The following ELAPOR1 variants were observed in gnomAD, a reference collection of about 807,000 sequenced individuals.
The protein encoded by ELAPOR1 is endosome/lysosome-associated apoptosis and autophagy regulator 1.
A neutral mutation model predicts 119.7 loss-of-function variants in ELAPOR1; 77 were observed. That is an observed-to-expected ratio of 0.64 (90% CI 0.54 to 0.78). ELAPOR1 has a LOEUF of 0.78. Among genes scored for constraint, ELAPOR1 ranks in the 30% least tolerant of loss-of-function variants. The probability of loss-of-function intolerance (pLI) is 0.00; values close to 1 mark genes in which losing one functional copy is unlikely to be tolerated. For synonymous variants in ELAPOR1, 481 were observed against 487.2 expected, an observed-to-expected ratio of 0.99 and a Z score of 0.17; for missense variants, 1,115 against 1,270.4, an observed-to-expected ratio of 0.88 and a Z score of 1.86.
Position 109,200,237 on chromosome 1 carries a change from A to G in ELAPOR1, c.2807A>G (p.Lys936Arg). ...TGCTACTTTTGGAAAAAGAATCAAA[A>G]GTACATGTTGCGGTATTGGAGTGTG... ...LTCYFWKKNQKLEYKYSKLVM... is the reference protein window; with the variant it reads ...LTCYFWKKNQRLEYKYSKLVM... The change falls in exon 20 of 22, where the codon AAA becomes AGA. Residue 936 changes from lysine (K) to arginine (R), a missense_variant and splice_region_variant. Coordinates refer to ENST00000369939, the MANE Select transcript of ELAPOR1 (RefSeq NM_020775.5). The G allele has an allele frequency of 6.2e-7, 1 of 1,613,880 alleles. No homozygotes were observed. Among genetic ancestry groups the G allele is most frequent in the Non-Finnish European group, 8.5e-7 (1 of 1,179,830 alleles).
chr1:109,197,721 AAG>A (rs1208744572), intron 16 of ELAPOR1, 67 bp downstream of exon 16: 2 of 1,480,948 alleles, frequency 1.4e-6, no homozygotes, highest in South Asian at 1.3e-5. Flanking sequence ...GTGTATGTGT[AAG>A]AGAGTGTGAG....
chr1:109,129,550 C>CA (rs1338554552), intron 1 of ELAPOR1, among the ~76,000 whole-genome samples: 1 of 152,056 alleles, frequency 6.6e-6, no homozygotes. Context: ...AAAACACACG[C>CA]AAAAAACCCA....
rs760569940 is a variant in ELAPOR1 at position 109,200,115 on chromosome 1, T to G, written c.2685T>G (p.Pro895=). 1 of 1,614,216 alleles carries G rather than the reference T, an allele frequency of 6.2e-7. No individual in the cohort carries two copies. Among genetic ancestry groups the G allele is most frequent in the Admixed American group, 1.7e-5 (1 of 60,018 alleles). ...TATGCTCTGGTGGCATTTCTCTGCC[T>G]GAGCAGAGAGTCACCATCTGCAAAA... ...PKLCSGGISL[P]EQRVTICKTI... is the part of the protein sequence containing the mutation. The change falls in exon 20 of 22, where the codon CCT becomes CCG. Residue 895 remains proline, a synonymous_variant. Coordinates refer to ENST00000369939, the MANE Select transcript of ELAPOR1 (RefSeq NM_020775.5).
At chr1:109,167,634 G>A (rs1651676707) in intron 3 of ELAPOR1, among the ~76,000 whole-genome samples, 1 of 151,936 alleles carries the variant, frequency 6.6e-6, no homozygotes, top group Admixed American at 6.6e-5. Context: ...TAAGAAACAA[G>A]GTCTCACTCT....
chr1:109,143,563 T>A (rs760172658), intron 1 of ELAPOR1, among the ~76,000 whole-genome samples: 3 of 152,232 alleles, frequency 2.0e-5, no homozygotes, highest in Non-Finnish European at 2.9e-5. Context: ...ATCTTGTGAA[T>A]ATATTAAAAC....
At chr1:109,141,731 T>C (rs1012422036) in intron 1 of ELAPOR1, among the ~76,000 whole-genome samples, 3 of 151,548 alleles carry the variant, frequency 2.0e-5, no homozygotes, top group Non-Finnish European at 4.4e-5. Context: ...AATGACGCAA[T>C]CATGGCTCAC....
In ELAPOR1 at chr1:109,121,221, A is replaced by G. The variant is rs373698935; in HGVS notation, c.153+6885A>G. Among the ~76,000 whole-genome samples the G allele has an allele frequency of 1.4e-4, 22 of 151,954 alleles. No individual in the cohort carries two copies. The East Asian group carries it at 3.7e-3, about 25-fold the overall frequency. On this transcript the variant is annotated intron_variant, in intron 1 of 21. Coordinates refer to ENST00000369939, the MANE Select transcript of ELAPOR1 (RefSeq NM_020775.5). ...GAGTCCAGTGGCGTGATCTCGGCTC[A>G]CTGCAACCTCCGCCTCCCAGGTTCA...
intron 16 of ELAPOR1, 124 bp downstream of exon 16, chr1:109,197,778 C>T: frequency 8.8e-7 from 1 of 1,132,352 alleles, no homozygotes; most frequent in Non-Finnish European, 1.2e-6. Context: ...GGGGCCCAAC[C>T]TCTTGACCTG....
Position 109,194,530 on chromosome 1 carries a change from C to G in ELAPOR1, c.2057C>G (p.Pro686Arg). The change falls in exon 15 of 22, where the codon CCA becomes CGA. Residue 686 changes from proline to arginine, a missense_variant. By Grantham distance (103) the Pro-to-Arg change is moderately radical. Transcript: ENST00000369939. ...AACACTGTCACTCTTGCTGGAGGGC[C>G]AAGCTTCACTTCCAAAGGGCTGAAA... ...LANTVTLAGG[P>R]SFTSKGLKYF... is the part of the protein sequence containing the mutation. The G allele has an allele frequency of 6.2e-7, 1 of 1,614,012 alleles. No homozygotes were observed. The highest frequency in any genetic ancestry group is 1.3e-5 in the African/African-American group (1 of 75,068).
In ELAPOR1 at chr1:109,193,869, A is replaced by G. The variant is rs550770066; in HGVS notation, c.1948-552A>G. 7.9e-5 allele frequency among the ~76,000 whole-genome samples: 12 copies of G among 152,274 alleles called. No homozygotes were observed. The East Asian group carries it at 2.1e-3, about 27-fold the overall frequency. ...CTCTGCTGCTGTGGGAGGGAATGAC[A>G]GTTGTGTGCGGCTACCGCTGAATGG... On this transcript the variant is annotated intron_variant, in intron 14 of 21. Coordinates refer to ENST00000369939, the MANE Select transcript of ELAPOR1 (RefSeq NM_020775.5).
In ELAPOR1 at chr1:109,114,145, G is replaced by C; in HGVS notation, c.-39G>C. 6.7e-7 allele frequency: 1 copy of C among 1,494,950 alleles called. No homozygotes were observed. Among genetic ancestry groups the C allele is most frequent in the Non-Finnish European group, 9.0e-7 (1 of 1,117,264 alleles). The allele number at this position is 1,494,950 out of a possible 1,614,324, so 92.6% of individuals were successfully genotyped here. A position where few individuals can be genotyped will look rare whatever the true frequency, so the allele number is the denominator to read the frequency against. ...TCTGCCAGCAGAAGCAGCAGCCGCA[G>C]CACCTGAGCCGCTACTGCCGCTCAC... is the stretch of plus-strand genomic sequence containing the variant. On this transcript the variant is annotated 5_prime_UTR_variant, in exon 1 of 22. Transcript: ENST00000369939.
intron 1 of ELAPOR1, among the ~76,000 whole-genome samples, chr1:109,137,089 G>A (rs556234724): frequency 9.5e-4 from 144 of 152,308 alleles, no homozygotes; most frequent in African/African-American, 3.2e-3. Flanking sequence ...TGGGGTAAGG[G>A]AGCAGGTATA....
At chr1:109,197,926 G>T (rs2296696) in intron 16 of ELAPOR1, 53 bp from the exon 17 acceptor site, 373,010 of 1,441,802 alleles carry the variant, frequency 0.26, 51,204 homozygotes, top group East Asian at 0.5. Flanking sequence ...GAATTGAAGT[G>T]GTTGCCAGCT....
At chr1:109,152,219 T>C (rs1016081851) in intron 1 of ELAPOR1, among the ~76,000 whole-genome samples, 2 of 152,166 alleles carry the variant, frequency 1.3e-5, no homozygotes, top group Non-Finnish European at 2.9e-5. Context: ...TTAGGGACTA[T>C]GAGAGGAGAA....
chr1:109,126,965 G>C (rs1420219706), intron 1 of ELAPOR1, among the ~76,000 whole-genome samples: 1 of 152,084 alleles, frequency 6.6e-6, no homozygotes, highest in Non-Finnish European at 1.5e-5. Flanking sequence ...AGATGGGCCG[G>C]GTGGAGAATT....
chr1:109,198,522 A>G lies in ELAPOR1; in HGVS notation c.2400-51A>G, dbSNP rs372239610. 201 of 1,524,886 alleles carry G rather than the reference A, an allele frequency of 1.3e-4. 1 individual carries two copies. The highest frequency in any genetic ancestry group is 1.1e-3 in the South Asian group (95 of 85,574). 94.5% of individuals were successfully genotyped at this position (1,524,886 alleles called of 1,614,324 possible). On this transcript the variant is annotated intron_variant, in intron 17 of 21. Coordinates refer to ENST00000369939, the MANE Select transcript of ELAPOR1 (RefSeq NM_020775.5). Reference sequence around the variant, plus strand: ...GCGGATTTCTCTTGGTGGCTGTCCAATAACACAGCTGAGTGACTCATTCCC... The same window carrying G: ...GCGGATTTCTCTTGGTGGCTGTCCAGTAACACAGCTGAGTGACTCATTCCC...
At chr1:109,158,530 T>G (rs2101033586) in intron 1 of ELAPOR1, among the ~76,000 whole-genome samples, 1 of 152,194 alleles carries the variant, frequency 6.6e-6, no homozygotes, top group Middle Eastern at 3.4e-3. Flanking sequence ...TACGGAAGGA[T>G]GCGCTAACTA....
chr1:109,173,628 T>C (rs1652061152), intron 6 of ELAPOR1, 49 bp downstream of exon 6: 1 of 1,612,440 alleles, frequency 6.2e-7, no homozygotes, highest in African/African-American at 1.3e-5. Flanking sequence ...CTTTGCAGTC[T>C]CCTGGGGACT....
At chr1:109,152,021 G>A (rs574318956) in intron 1 of ELAPOR1, among the ~76,000 whole-genome samples, 6 of 152,032 alleles carry the variant, frequency 3.9e-5, no homozygotes, top group South Asian at 2.1e-4. Flanking sequence ...CTACAGGCAC[G>A]TGCCACCACA....
Sources: allele counts gnomAD v4.1 joint callset (sites outside exome capture counted in the v4.1 genomes callset), GRCh38; gene constraint gnomAD v4.1.1; transcripts MANE v1.5; gene names NCBI Gene and HGNC (gene_info 2026-07-23, HGNC 2026-07-21).